Variants in GNAL observed in about 807,000 individuals in gnomAD.
GNAL encodes G protein subunit alpha L, also known as guanine nucleotide-binding protein G(olf) subunit alpha.
Under a neutral mutation model 55.1 loss-of-function variants are expected in GNAL, and 18 were observed. The observed-to-expected ratio is 0.33, with a 90% CI of 0.23 to 0.48. The LOEUF is 0.48. Among genes scored for constraint, GNAL ranks in the 20% least tolerant of loss-of-function variants. The pLI, the probability that GNAL is intolerant of heterozygous loss-of-function variation, is 0.99. For synonymous variants in GNAL, 253 were observed against 237.0 expected, an observed-to-expected ratio of 1.07 and a Z score of -0.62; for missense variants, 412 against 614.1, an observed-to-expected ratio of 0.67 and a Z score of 3.48.
chr18:11,773,232 T>C (rs1208075518), intron 4 of GNAL, among the ~76,000 whole-genome samples: 1 of 152,236 alleles, frequency 6.6e-6, no homozygotes, highest in African/African-American at 2.4e-5. Flanking sequence ...TAGTTACCCA[T>C]TTTTTGTGGC....
intron 4 of GNAL, among the ~76,000 whole-genome samples, chr18:11,788,914 A>AAAAAAAAAAAAAAAAAT (rs60071996): frequency 1.8e-5 from 1 of 56,302 alleles, no homozygotes; most frequent in African/African-American, 1.0e-4. Flanking sequence ...AAAAAAAAAA[A>AAAAAAAAAAAAAAAAAT]ATATATATAT....
At chr18:11,867,138 A>G (rs201843392) in intron 7 of GNAL, 30 bp from the exon 8 acceptor site, 1 of 1,578,054 alleles carries the variant, frequency 6.3e-7, no homozygotes, top group Non-Finnish European at 8.7e-7. Context: ...GCTTCCCCCA[A>G]ATAATTGTGT....
chr18:11,805,037 G>T lies in GNAL; in HGVS notation c.625-19881G>T, dbSNP rs558650355. On this transcript the variant is annotated intron_variant, in intron 4 of 11. Coordinates refer to ENST00000334049, the MANE Select transcript of GNAL (RefSeq NM_182978.4). ...TTTGAATGGAACATGGAGATACTGT[G>T]TAGTGGTGAAGTACAGGTGCAATTT... is the stretch of plus-strand genomic sequence containing the variant. 4.4e-4 allele frequency among the ~76,000 whole-genome samples: 66 copies of T among 150,940 alleles called. 2 individuals carry two copies. Among genetic ancestry groups the T allele is most frequent in the African/African-American group, 1.5e-3 (60 of 41,110 alleles).
At chr18:11,717,349 C>T (rs919496314) in intron 1 of GNAL, among the ~76,000 whole-genome samples, 1 of 152,232 alleles carries the variant, frequency 6.6e-6, no homozygotes, top group Non-Finnish European at 1.5e-5. Flanking sequence ...GAAGGGGGCT[C>T]CCACAGTGCA....
chr18:11,819,714 A>C (rs971134917), intron 4 of GNAL, among the ~76,000 whole-genome samples: 12 of 152,034 alleles, frequency 7.9e-5, no homozygotes, highest in African/African-American at 2.9e-4. Flanking sequence ...CATACACACA[A>C]AAAAAACCCT....
intron 1 of GNAL, among the ~76,000 whole-genome samples, chr18:11,731,773 G>T (rs987832359): frequency 2.0e-5 from 3 of 152,284 alleles, no homozygotes; most frequent in African/African-American, 7.2e-5. Flanking sequence ...ACTGCTGAAG[G>T]ACTGGAATAT....
At chr18:11,838,063 C>T (rs1329819981) in intron 5 of GNAL, among the ~76,000 whole-genome samples, 2 of 151,832 alleles carry the variant, frequency 1.3e-5, no homozygotes. Flanking sequence ...CCCAGGAGGT[C>T]GAGGCTTCAG....
chr18:11,739,064 T>C lies in GNAL; in HGVS notation c.377-13789T>C, dbSNP rs74771784. Reference sequence around the variant, plus strand: ...CCGCTGCCCACTGAACGAGGGCAGGTGAGGGCCCAGAGAGTGCCCTGCGCA... The same window carrying C: ...CCGCTGCCCACTGAACGAGGGCAGGCGAGGGCCCAGAGAGTGCCCTGCGCA... On this transcript the variant is annotated intron_variant, in intron 1 of 11. Coordinates refer to ENST00000334049, the MANE Select transcript of GNAL (RefSeq NM_182978.4). 1.5e-4 allele frequency among the ~76,000 whole-genome samples: 23 copies of C among 152,250 alleles called. No homozygotes were observed. The East Asian group carries it at 4.4e-3, about 29-fold the overall frequency.
At chr18:11,814,217 T>G (rs1055999810) in intron 4 of GNAL, among the ~76,000 whole-genome samples, 6 of 152,172 alleles carry the variant, frequency 3.9e-5, no homozygotes, top group African/African-American at 1.4e-4. Flanking sequence ...TTTAAAACTT[T>G]GTTCATCAGG....
In GNAL at chr18:11,751,420, C is replaced by CT; in HGVS notation, c.377-1432dup. 1.4e-6 allele frequency: 1 copy of CT among 708,818 alleles called. No homozygotes were observed. The highest frequency in any genetic ancestry group is 1.7e-6 in the Non-Finnish European group (1 of 577,040). The allele number at this position is 708,818 out of a possible 1,614,324, so 43.9% of individuals were successfully genotyped here. Reference sequence around the variant, plus strand: ...GAGCACTGCACAGGAGAAACGGGGGCTGGAGGTAAAGACAGGAGGCTCGGG... The same window carrying CT: ...GAGCACTGCACAGGAGAAACGGGGGCTTGGAGGTAAAGACAGGAGGCTCGGG... On this transcript the variant is annotated intron_variant, in intron 1 of 11. Coordinates refer to ENST00000334049, the MANE Select transcript of GNAL (RefSeq NM_182978.4). This position sits in a 1 kb window ranked among gnomAD's most constrained non-coding sequence, Gnocchi z 4.5.
At chr18:11,696,180 A>G (rs1319029089) in intron 1 of GNAL, among the ~76,000 whole-genome samples, 3 of 152,158 alleles carry the variant, frequency 2.0e-5, no homozygotes, top group African/African-American at 7.2e-5. Context: ...TACTCTGGCT[A>G]TTCCTTATGT....
intron 5 of GNAL, chr18:11,851,644 A>T (rs577828370): frequency 6.2e-7 from 1 of 1,614,042 alleles, no homozygotes; most frequent in South Asian, 1.1e-5. Flanking sequence ...GAAGGGCAAC[A>T]TGGAAGTTGC....
chr18:11,769,598 T>C (rs1433744682), intron 4 of GNAL, among the ~76,000 whole-genome samples: 3 of 152,242 alleles, frequency 2.0e-5, no homozygotes, highest in African/African-American at 7.2e-5. Context: ...TTGTGGGAGT[T>C]AGTTTATTAC....
At position 11,752,506 on chromosome 18, in the gene GNAL, A is replaced by C. The variant is rs1283520769; in HGVS notation, c.377-347A>C. On this transcript the variant is annotated intron_variant, in intron 1 of 11. Transcript: ENST00000334049. The surrounding 1 kb of genome is among the most constrained non-coding windows in gnomAD (Gnocchi z 4.5). ...CGATGAAAAAGAACGACGCGAGGCC[A>C]ACAAAAAGATCGAGAAGCAGTTGCA... The C allele has an allele frequency of 6.2e-7, 1 of 1,613,194 alleles. No homozygotes were observed. The highest frequency in any genetic ancestry group is 8.5e-7 in the Non-Finnish European group (1 of 1,179,672).
chr18:11,760,735 C>T (rs368198005), intron 4 of GNAL, among the ~76,000 whole-genome samples: 2 of 151,900 alleles, frequency 1.3e-5, no homozygotes, highest in East Asian at 3.9e-4. Context: ...GGTGCAGACA[C>T]CCCCAGGCCT....
intron 4 of GNAL, among the ~76,000 whole-genome samples, chr18:11,779,823 G>A (rs1379974192): frequency 6.6e-6 from 1 of 152,144 alleles, no homozygotes; most frequent in Non-Finnish European, 1.5e-5. Context: ...ATTTTCACTT[G>A]AATACTCTTG....
At chr18:11,692,783 C>T (rs1031339943) in intron 1 of GNAL, among the ~76,000 whole-genome samples, 1 of 150,904 alleles carries the variant, frequency 6.6e-6, no homozygotes, top group Non-Finnish European at 1.5e-5. Flanking sequence ...CTGGGTGGTG[C>T]GCTGGAGACC....
intron 11 of GNAL, among the ~76,000 whole-genome samples, 154 bp downstream of exon 11, chr18:11,876,842 C>T (rs961885027): frequency 1.3e-5 from 2 of 152,186 alleles, no homozygotes; most frequent in South Asian, 4.1e-4. Flanking sequence ...CAGCTGAGCA[C>T]ACCGAGGTTC....
At chr18:11,821,756 GAT>G (rs1195484241) in intron 4 of GNAL, among the ~76,000 whole-genome samples, 1 of 152,212 alleles carries the variant, frequency 6.6e-6, no homozygotes, top group South Asian at 2.1e-4. Context: ...CGGTGATACT[GAT>G]ATTTCTGCAG....
Sources: allele counts gnomAD v4.1 joint callset (sites outside exome capture counted in the v4.1 genomes callset), GRCh38; gene constraint gnomAD v4.1.1; non-coding constraint Gnocchi (gnomAD v3.1); transcripts MANE v1.5; gene names NCBI Gene and HGNC (gene_info 2026-07-23, HGNC 2026-07-21).